SPOCK1: variants seen among roughly 807,000 people sequenced by gnomAD.
SPOCK1 encodes SPARC (osteonectin), cwcv and kazal like domains proteoglycan 1.
In SPOCK1, 23 loss-of-function variants were observed where a neutral mutation model predicts 55.3. The observed-to-expected ratio is 0.42, with a 90% CI of 0.30 to 0.59. SPOCK1 has a LOEUF of 0.59. SPOCK1 is among the 20% of genes least tolerant of loss of function. The probability of loss-of-function intolerance (pLI) is 0.22; values close to 1 mark genes in which losing one functional copy is unlikely to be tolerated. For synonymous variants in SPOCK1, 226 were observed against 221.0 expected, an observed-to-expected ratio of 1.02 and a Z score of -0.20; for missense variants, 499 against 552.5, an observed-to-expected ratio of 0.90 and a Z score of 0.97.
intron 2 of SPOCK1, among the ~76,000 whole-genome samples, chr5:137,289,331 A>G (rs1013584335): frequency 2.0e-5 from 3 of 152,172 alleles, no homozygotes; most frequent in Admixed American, 6.5e-5. Flanking sequence ...TGGTTAAAGG[A>G]AATACTTGAT....
intron 5 of SPOCK1, among the ~76,000 whole-genome samples, chr5:137,108,279 C>T (rs1474919037): frequency 6.6e-6 from 1 of 152,338 alleles, no homozygotes; most frequent in African/African-American, 2.4e-5. Context: ...AAGGAAGCCT[C>T]ATAGAATGCC....
intron 3 of SPOCK1, among the ~76,000 whole-genome samples, chr5:137,241,095 T>G (rs943257815): frequency 4.6e-5 from 7 of 152,172 alleles, no homozygotes; most frequent in African/African-American, 1.7e-4. Flanking sequence ...AGGAAAATCC[T>G]ATTAAATTGA....
At chr5:137,323,158 A>G (rs906086868) in intron 2 of SPOCK1, among the ~76,000 whole-genome samples, 1 of 152,242 alleles carries the variant, frequency 6.6e-6, no homozygotes, top group African/African-American at 2.4e-5. Flanking sequence ...CCATAGCAAA[A>G]AGTCAATAGT....
intron 3 of SPOCK1, among the ~76,000 whole-genome samples, chr5:137,262,364 A>G (rs1164271471): frequency 1.3e-5 from 2 of 152,252 alleles, no homozygotes; most frequent in Admixed American, 1.3e-4. Flanking sequence ...TACCAAAGGC[A>G]CAGACTGCAT....
chr5:137,483,207 C>T (rs949312505), intron 2 of SPOCK1, among the ~76,000 whole-genome samples: 3 of 152,106 alleles, frequency 2.0e-5, no homozygotes. Flanking sequence ...GTGGTAGGCA[C>T]CTGTAATCCC....
intron 2 of SPOCK1, among the ~76,000 whole-genome samples, chr5:137,368,902 G>T (rs1013918232): frequency 6.6e-6 from 1 of 152,218 alleles, no homozygotes; most frequent in Admixed American, 6.5e-5. Context: ...ACAGAGCAGC[G>T]GGGTTCGTGC....
At chr5:137,420,224 CA>C (rs1223478314) in intron 2 of SPOCK1, among the ~76,000 whole-genome samples, 6 of 152,156 alleles carry the variant, frequency 3.9e-5, no homozygotes, top group African/African-American at 1.4e-4. Flanking sequence ...ATTTTTGCAT[CA>C]ATGTTCATCA....
At chr5:137,069,671 A>C (rs1044925880) in intron 5 of SPOCK1, among the ~76,000 whole-genome samples, 1 of 152,222 alleles carries the variant, frequency 6.6e-6, no homozygotes, top group Non-Finnish European at 1.5e-5. Context: ...GCGTGTGTGC[A>C]CGTGCCCAGA....
At chr5:137,434,852 T>C (rs759728389) in intron 2 of SPOCK1, among the ~76,000 whole-genome samples, 1 of 152,214 alleles carries the variant, frequency 6.6e-6, no homozygotes. Context: ...ACAGAATTTG[T>C]ATAATTCCTG....
intron 2 of SPOCK1, among the ~76,000 whole-genome samples, chr5:137,359,224 C>G (rs1486071742): frequency 6.6e-6 from 1 of 152,186 alleles, no homozygotes; most frequent in Non-Finnish European, 1.5e-5. Flanking sequence ...AGAAAGCAAT[C>G]TAGGGATTGA....
At chr5:137,145,001 A>G (rs1754166402) in intron 3 of SPOCK1, among the ~76,000 whole-genome samples, 1 of 152,184 alleles carries the variant, frequency 6.6e-6, no homozygotes, top group Non-Finnish European at 1.5e-5. Flanking sequence ...CCAAACCTGC[A>G]GGACTCCTGT....
At chr5:136,980,624 A>G (rs1234272483) in intron 9 of SPOCK1, among the ~76,000 whole-genome samples, 1 of 152,148 alleles carries the variant, frequency 6.6e-6, no homozygotes, top group African/African-American at 2.4e-5. Flanking sequence ...GCCTTCCGCC[A>G]TGATTGTGAG....
intron 2 of SPOCK1, among the ~76,000 whole-genome samples, chr5:137,413,633 T>C (rs1255505443): frequency 6.6e-6 from 1 of 152,132 alleles, no homozygotes; most frequent in Non-Finnish European, 1.5e-5. Context: ...AGACCTGAGC[T>C]ACACTCCTGG....
intron 2 of SPOCK1, among the ~76,000 whole-genome samples, chr5:137,355,944 C>G (rs532920108): frequency 6.6e-6 from 1 of 152,184 alleles, no homozygotes; most frequent in African/African-American, 2.4e-5. Flanking sequence ...TGGAGGAGAA[C>G]CCGCTCCTCC....
Position 137,079,923 on chromosome 5 carries a change from G to A in SPOCK1, c.475-12094C>T, listed in dbSNP as rs532771569. 3.6e-4 allele frequency among the ~76,000 whole-genome samples: 52 copies of A among 145,002 alleles called. 1 individual carries two copies. In the South Asian group the frequency reaches 0.011, roughly 31 times the overall value. Reference sequence around the variant, plus strand: ...ACACCGTCCCATGCCTGCTCTTCTGGTTTCCTCTTACCCTCTAATATTTTA... The same window carrying A: ...ACACCGTCCCATGCCTGCTCTTCTGATTTCCTCTTACCCTCTAATATTTTA... On this transcript the variant is annotated intron_variant, in intron 5 of 10. Coordinates refer to ENST00000394945, the MANE Select transcript of SPOCK1 (RefSeq NM_004598.4).
At chr5:137,020,886 T>TA (rs1751551976) in intron 6 of SPOCK1, among the ~76,000 whole-genome samples, 1 of 151,806 alleles carries the variant, frequency 6.6e-6, no homozygotes, top group Non-Finnish European at 1.5e-5. Flanking sequence ...AAAAACAACC[T>TA]AAAAAAATAG....
At chr5:137,270,996 T>C (rs1160590700) in intron 2 of SPOCK1, among the ~76,000 whole-genome samples, 1 of 142,482 alleles carries the variant, frequency 7.0e-6, no homozygotes, top group Non-Finnish European at 1.5e-5. Flanking sequence ...GGAGCAAGAC[T>C]CTGTCTCAAA....
At chr5:137,340,935 C>G (rs1750408273) in intron 2 of SPOCK1, among the ~76,000 whole-genome samples, 1 of 152,028 alleles carries the variant, frequency 6.6e-6, no homozygotes, top group Non-Finnish European at 1.5e-5. Flanking sequence ...TCTGACTTGC[C>G]CAAAATCCTA....
At chr5:137,334,759 C>T (rs578041798) in intron 2 of SPOCK1, among the ~76,000 whole-genome samples, 10 of 152,312 alleles carry the variant, frequency 6.6e-5, no homozygotes, top group African/African-American at 2.2e-4. Flanking sequence ...TCGCTGCCCT[C>T]TTGCCCGAGG....
Sources: allele counts gnomAD v4.1 joint callset (sites outside exome capture counted in the v4.1 genomes callset), GRCh38; gene constraint gnomAD v4.1.1; transcripts MANE v1.5; gene names NCBI Gene and HGNC (gene_info 2026-07-23, HGNC 2026-07-21).